Variants in ETS1 observed in about 807,000 individuals in gnomAD.
ETS1 encodes ETS proto-oncogene 1, transcription factor.
In ETS1, 15 loss-of-function variants were observed where a neutral mutation model predicts 58.6. The observed-to-expected ratio is 0.26, with a 90% CI of 0.17 to 0.39. ETS1 has a LOEUF of 0.39. Ranked by LOEUF, ETS1 falls within the 10% of genes least tolerant of loss-of-function variation. The probability of loss-of-function intolerance (pLI) is 1.00; values close to 1 mark genes in which losing one functional copy is unlikely to be tolerated. For missense variants in ETS1, 417 were observed against 610.5 expected (o/e 0.68, Z 3.34); for synonymous variants, 214 against 218.2 (o/e 0.98, Z 0.17).
At chr11:128,555,836 G>A (rs1159837156) in intron 3 of ETS1, among the ~76,000 whole-genome samples, 1 of 152,216 alleles carries the variant, frequency 6.6e-6, no homozygotes. Context: ...AAGGGAGAGA[G>A]AGACAGAGGA....
intron 1 of ETS1, among the ~76,000 whole-genome samples, chr11:128,580,156 G>T (rs1864836338): frequency 7.6e-6 from 1 of 131,338 alleles, no homozygotes. Context: ...ATCCAAGAGA[G>T]TAAGTTATCG....
At chr11:128,491,015 A>G (rs10736568) in intron 3 of ETS1, among the ~76,000 whole-genome samples, 94,665 of 151,908 alleles carry the variant, frequency 0.62, 30,244 homozygotes, top group Middle Eastern at 0.78. Context: ...CCACTGTGCC[A>G]GCATGAGCAG....
At position 128,462,350 on chromosome 11, in the gene ETS1, C is replaced by A; in HGVS notation, c.*11G>T. ...GGTCTCAGCAGGGTTTCCCCAGCCC[C>A]TTCAGTGCCATCACTCGTCGGCATC... On this transcript the variant is annotated 3_prime_UTR_variant, in exon 10 of 10. Transcript: ENST00000392668. 6.2e-7 allele frequency: 1 copy of A among 1,605,462 alleles called. No homozygotes were observed. Among genetic ancestry groups the A allele is most frequent in the Non-Finnish European group, 8.5e-7 (1 of 1,172,696 alleles).
intron 3 of ETS1, among the ~76,000 whole-genome samples, chr11:128,510,350 CAT>C (rs971291091): frequency 6.6e-6 from 1 of 152,242 alleles, no homozygotes; most frequent in Non-Finnish European, 1.5e-5. Flanking sequence ...ATAATGCAGA[CAT>C]GTGTCCATAT....
intron 3 of ETS1, among the ~76,000 whole-genome samples, chr11:128,510,601 A>G (rs12276775): frequency 0.024 from 3,685 of 152,320 alleles, 153 homozygotes; most frequent in African/African-American, 0.084. Flanking sequence ...TGACCTCACT[A>G]GGATTTGCTT....
intron 3 of ETS1, among the ~76,000 whole-genome samples, chr11:128,546,997 G>T (rs1323003163): frequency 6.6e-6 from 1 of 152,124 alleles, no homozygotes; most frequent in African/African-American, 2.4e-5. Flanking sequence ...AGATCATCCT[G>T]AGGAGCATGA....
chr11:128,555,019 C>A (rs1350738377), intron 3 of ETS1, among the ~76,000 whole-genome samples: 2 of 152,036 alleles, frequency 1.3e-5, no homozygotes, highest in Admixed American at 1.3e-4. Context: ...AACTGAGATA[C>A]CAAGCAGAAA....
rs11820128 is a variant in ETS1, at chr11:128,550,066, G to A, written c.214+6225C>T. ...TTAACTATACTACCCTCATGCAGTG[G>A]ACACAAGAACTCTTTGGAAAGAGTG... On this transcript the variant is annotated intron_variant, in intron 3 of 9. Coordinates refer to ENST00000392668, the MANE Select transcript of ETS1 (RefSeq NM_001143820.2). Among the ~76,000 whole-genome samples, 737 of 152,326 alleles carry A rather than the reference G, an allele frequency of 4.8e-3. 2 individuals carry two copies. The highest frequency in any genetic ancestry group is 0.017 in the African/African-American group (694 of 41,572).
intron 3 of ETS1, among the ~76,000 whole-genome samples, chr11:128,495,737 G>C (rs1424734160): frequency 6.6e-6 from 1 of 152,122 alleles, no homozygotes; most frequent in African/African-American, 2.4e-5. Flanking sequence ...AGAGAGAGAG[G>C]GGCGTGCATT....
At chr11:128,505,904 A>G (rs943574707) in intron 3 of ETS1, among the ~76,000 whole-genome samples, 4 of 152,192 alleles carry the variant, frequency 2.6e-5, no homozygotes, top group Admixed American at 2.6e-4. Flanking sequence ...AGCTGGTGAA[A>G]GCGCTCATTA....
chr11:128,544,204 A>G (rs1864096106), intron 3 of ETS1, among the ~76,000 whole-genome samples: 1 of 151,880 alleles, frequency 6.6e-6, no homozygotes, highest in South Asian at 2.1e-4. Flanking sequence ...TGTATACTTT[A>G]TAATTTAAAT....
chr11:128,470,034 C>T (rs1004701712), intron 8 of ETS1, among the ~76,000 whole-genome samples: 1 of 152,212 alleles, frequency 6.6e-6, no homozygotes, highest in Non-Finnish European at 1.5e-5. Flanking sequence ...CAACAAAGAA[C>T]ATTCTGACAG....
intron 3 of ETS1, among the ~76,000 whole-genome samples, chr11:128,517,730 C>T (rs937062637): frequency 2.6e-5 from 4 of 152,190 alleles, no homozygotes; most frequent in South Asian, 4.1e-4. Flanking sequence ...CTGACCTACA[C>T]TAACCAGCTC....
chr11:128,485,970 T>G, intron 6 of ETS1, 99 bp downstream of exon 6: 1 of 726,204 alleles, frequency 1.4e-6, no homozygotes, highest in Non-Finnish European at 2.4e-6. Flanking sequence ...GATATTATTT[T>G]TGATAGAATT....
chr11:128,545,147 A>T lies in ETS1; in HGVS notation c.214+11144T>A, dbSNP rs1864115010. The stretch of plus-strand genomic sequence containing the variant: ...ATTCTCTGGAGGAGCTTTGCAAATT[A>T]TCAGGCTTCCTTGTGCCCTTAAATG... On this transcript the variant is annotated intron_variant, in intron 3 of 9. Transcript: ENST00000392668. Among the ~76,000 whole-genome samples, 4 of 152,196 alleles carry T rather than the reference A, an allele frequency of 2.6e-5. No individual in the cohort carries two copies. In the South Asian group the frequency reaches 8.3e-4, roughly 32 times the overall value.
intron 8 of ETS1, among the ~76,000 whole-genome samples, chr11:128,474,977 T>C (rs1862283754): frequency 6.6e-6 from 1 of 152,254 alleles, no homozygotes; most frequent in South Asian, 2.1e-4. Flanking sequence ...TGAAATGCCC[T>C]AACTTCTCTG....
intron 3 of ETS1, among the ~76,000 whole-genome samples, chr11:128,510,617 G>C (rs1863366581): frequency 1.3e-5 from 2 of 152,318 alleles, no homozygotes; most frequent in East Asian, 1.9e-4. Flanking sequence ...TGCTTTACAA[G>C]ATAAGATTTT....
At chr11:128,565,058 A>AAATAAATAAAT (rs374454292) in intron 2 of ETS1, among the ~76,000 whole-genome samples, 1 of 142,744 alleles carries the variant, frequency 7.0e-6, no homozygotes, top group South Asian at 2.2e-4. Flanking sequence ...ATAAATAAAT[A>AAATAAATAAAT]AAATAAATGT....
rs941813171 is a variant in ETS1, at chr11:128,460,980, TC to T, written c.*1380del. On this transcript the variant is annotated 3_prime_UTR_variant, in exon 10 of 10. Transcript: ENST00000392668. Reference sequence around the variant, plus strand: ...ATTCTTCAAAGGAAAGCCTTGCACTTCTCTTCCAAAGACAGCCAAGTCACAT... The same window carrying T: ...ATTCTTCAAAGGAAAGCCTTGCACTTTCTTCCAAAGACAGCCAAGTCACAT... 1 of 152,340 alleles carries T rather than the reference TC, an allele frequency of 6.6e-6. No homozygotes were observed. The highest frequency in any genetic ancestry group is 6.5e-5 in the Admixed American group (1 of 15,284). The allele number at this position is 152,340 out of a possible 1,614,324, so 9.4% of individuals were successfully genotyped here. A position where few individuals can be genotyped will look rare whatever the true frequency, so the allele number is the denominator to read the frequency against.
Sources: allele counts gnomAD v4.1 joint callset (sites outside exome capture counted in the v4.1 genomes callset), GRCh38; gene constraint gnomAD v4.1.1; transcripts MANE v1.5; gene names NCBI Gene and HGNC (gene_info 2026-07-23, HGNC 2026-07-21).